The following ATP2A2 variants were observed in gnomAD, a reference collection of about 807,000 sequenced individuals.
ATP2A2 encodes sarcoplasmic/endoplasmic reticulum calcium ATPase 2.
ATP2A2 carries 14 observed loss-of-function variants against 109.3 expected under a neutral mutation model. That is an observed-to-expected ratio of 0.13 (90% CI 0.08 to 0.20). The LOEUF is 0.20. ATP2A2 is among the 10% of genes least tolerant of loss of function. The probability of loss-of-function intolerance (pLI) is 1.00; values close to 1 mark genes in which losing one functional copy is unlikely to be tolerated. For synonymous variants in ATP2A2, 506 were observed against 490.9 expected, an observed-to-expected ratio of 1.03 and a Z score of -0.41; for missense variants, 657 against 1,321.6, an observed-to-expected ratio of 0.50 and a Z score of 7.80.
At chr12:110,306,415 A>T (rs559466673) in intron 5 of ATP2A2, among the ~76,000 whole-genome samples, 16 of 152,164 alleles carry the variant, frequency 1.1e-4, no homozygotes, top group Non-Finnish European at 1.8e-4. Flanking sequence ...TTAATGTGTG[A>T]TGCTGAGGTT....
chr12:110,350,234 T>C lies in ATP2A2; in HGVS notation c.*3764T>C. 1.9e-6 allele frequency: 3 copies of C among 1,614,158 alleles called. No homozygotes were observed. The South Asian group carries it at 3.3e-5, about 18-fold the overall frequency. ...TGATCTTCATCTATTTAAATAGGTA[T>C]TCTAACGTTTCCTCTCTGTATTTCA... On this transcript the variant is annotated 3_prime_UTR_variant, in exon 20 of 20. Coordinates refer to ENST00000539276, the MANE Select transcript of ATP2A2 (RefSeq NM_170665.4).
chr12:110,281,682 C>A lies in ATP2A2; in HGVS notation c.-108C>A. ...GGCCGCAAGAGGAGGAGGGGAGAGC[C>A]CGTCCGCGCCTGGGCTCCCGGGGTG... On this transcript the variant is annotated 5_prime_UTR_variant, in exon 1 of 20. Coordinates refer to ENST00000539276, the MANE Select transcript of ATP2A2 (RefSeq NM_170665.4). 3.0e-6 allele frequency: 2 copies of A among 669,766 alleles called. No homozygotes were observed. Among genetic ancestry groups the A allele is most frequent in the Non-Finnish European group, 4.5e-6 (2 of 448,294 alleles). 41.5% of individuals were successfully genotyped at this position (669,766 alleles called of 1,614,324 possible). A position where few individuals can be genotyped will look rare whatever the true frequency, so the allele number is the denominator to read the frequency against.
chr12:110,314,375 T>A (rs1325182282), intron 5 of ATP2A2, among the ~76,000 whole-genome samples: 1 of 149,884 alleles, frequency 6.7e-6, no homozygotes, highest in Non-Finnish European at 1.5e-5. Flanking sequence ...CTTGGCATTA[T>A]CAGTGCCAGA....
At position 110,347,704 on chromosome 12, in the gene ATP2A2, G is replaced by A. The variant is rs3026490; in HGVS notation, c.*1234G>A. On this transcript the variant is annotated 3_prime_UTR_variant, in exon 20 of 20. Transcript: ENST00000539276. ...CTACGATCAATGTTTGCGCATGTTC[G>A]AGATGAGTCTCACCAACAGTGTGTA... The A allele has an allele frequency of 4.8e-3, 5,545 of 1,166,504 alleles. 239 individuals are homozygous for A. The African/African-American group carries it at 0.08, about 17-fold the overall frequency. 72.3% of individuals were successfully genotyped at this position (1,166,504 alleles called of 1,614,324 possible).
At position 110,346,337 on chromosome 12, in the gene ATP2A2, A is replaced by T; in HGVS notation, c.2996A>T (p.Gln999Leu). ...CTGGAACCTGGTAAAGAGTGTGTGC[A>T]GCCTGCCACCAAATCCTGCTCGTTC... is the stretch of plus-strand genomic sequence containing the variant. ...NYLEPGKECV[Q>L]PATKSCSFSA... Residue 999 changes from glutamine (Q) to leucine (L), a missense_variant, in exon 20 of 20, where the codon CAG becomes CTG. Transcript: ENST00000539276. 6.2e-7 allele frequency: 1 copy of T among 1,614,162 alleles called. No homozygotes were observed. Among genetic ancestry groups the T allele is most frequent in the Non-Finnish European group, 8.5e-7 (1 of 1,180,018 alleles).
intron 3 of ATP2A2, among the ~76,000 whole-genome samples, chr12:110,288,322 T>TC (rs950140445): frequency 2.0e-5 from 3 of 151,454 alleles, no homozygotes; most frequent in African/African-American, 7.3e-5. Context: ...CAAGCTAGTC[T>TC]CCAATTCCTG....
chr12:110,335,987 T>C (rs1336993904), intron 11 of ATP2A2, among the ~76,000 whole-genome samples: 1 of 152,218 alleles, frequency 6.6e-6, no homozygotes, highest in Non-Finnish European at 1.5e-5. Context: ...CTATCTGCAG[T>C]CCAGGGTCTG....
intron 5 of ATP2A2, among the ~76,000 whole-genome samples, chr12:110,311,205 AGAG>A (rs1875997723): frequency 6.6e-6 from 1 of 152,240 alleles, no homozygotes. Flanking sequence ...GCTGTAGAGC[AGAG>A]GAGTTGGCAT....
chr12:110,316,028 A>G (rs1876634464), intron 5 of ATP2A2, among the ~76,000 whole-genome samples: 1 of 152,220 alleles, frequency 6.6e-6, no homozygotes, highest in South Asian at 2.1e-4. Flanking sequence ...TGGAGGTTAC[A>G]GTGAGCCGAG....
In ATP2A2 at chr12:110,350,393, T is replaced by C. The variant is rs1880291996; in HGVS notation, c.*3923T>C. ...GCAACACATCTACCAACCCTGTGCA[T>C]GACTGATGTTGGGGAAAAAGAAAAG... On this transcript the variant is annotated 3_prime_UTR_variant, in exon 20 of 20. Transcript: ENST00000539276. 2.5e-6 allele frequency: 4 copies of C among 1,602,326 alleles called. No homozygotes were observed. The South Asian group carries it at 4.4e-5, about 18-fold the overall frequency.
chr12:110,281,646 G>A lies in ATP2A2; in HGVS notation c.-144G>A. 1 of 461,118 alleles carries A rather than the reference G, an allele frequency of 2.2e-6. No homozygotes were observed. Among genetic ancestry groups the A allele is most frequent in the Non-Finnish European group, 3.7e-6 (1 of 273,284 alleles). 28.6% of individuals were successfully genotyped at this position (461,118 alleles called of 1,614,324 possible). A position where few individuals can be genotyped will look rare whatever the true frequency, so the allele number is the denominator to read the frequency against. On this transcript the variant is annotated 5_prime_UTR_variant, in exon 1 of 20. Transcript: ENST00000539276. The stretch of plus-strand genomic sequence containing the variant: ...GGCGCGGGGTGATTCAGCGCCCGGC[G>A]AGGCGGAAGCGGCCGCAAGAGGAGG...
chr12:110,340,118 C>T lies in ATP2A2; in HGVS notation c.1761+397C>T, dbSNP rs1050323723. On this transcript the variant is annotated intron_variant, in intron 13 of 19. Coordinates refer to ENST00000539276, the MANE Select transcript of ATP2A2 (RefSeq NM_170665.4). This position sits in a 1 kb window ranked among gnomAD's most constrained non-coding sequence, Gnocchi z 6.0. ...TACTCAGAGTAGAATTCTTTTATATCAAGGATGTGACATCCTAAAGCTATG... is the reference window on the plus strand; with the variant it reads ...TACTCAGAGTAGAATTCTTTTATATTAAGGATGTGACATCCTAAAGCTATG... 2.0e-5 allele frequency among the ~76,000 whole-genome samples: 3 copies of T among 152,128 alleles called. No individual in the cohort carries two copies. The highest frequency in any genetic ancestry group is 7.2e-5 in the African/African-American group (3 of 41,408).
rs1429063326 is a variant in ATP2A2 at position 110,332,624 on chromosome 12, G to A, written c.1123G>A (p.Asp375Asn). 1.2e-6 allele frequency: 2 copies of A among 1,613,624 alleles called. No homozygotes were observed. The highest frequency in any genetic ancestry group is 1.7e-5 in the Admixed American group (1 of 60,012). The change falls in exon 9 of 20, where the codon GAT (aspartate) becomes AAT (asparagine). Residue 375 changes from aspartate (D) to asparagine (N), a missense_variant. Around this residue, in one of 9 missense-constraint regions of ATP2A2, gnomAD observed 46 missense variants for 62.0 expected, o/e 0.74. Coordinates refer to ENST00000539276, the MANE Select transcript of ATP2A2 (RefSeq NM_170665.4). ...GTTCATTCTGGACAGAGTGGAAGGT[G>A]ATACTTGTTCCCTTAATGAGTTTAC... ...RMFILDRVEG[D>N]TCSLNEFTIT...
intron 5 of ATP2A2, among the ~76,000 whole-genome samples, chr12:110,322,071 A>T (rs1011736590): frequency 6.6e-6 from 1 of 151,870 alleles, no homozygotes; most frequent in Non-Finnish European, 1.5e-5. Context: ...GCTCACTGCA[A>T]GCTCCGCCTC....
Position 110,342,532 on chromosome 12 carries a change from A to ATT in ATP2A2, c.2318+85_2318+86dup. The ATT allele has an allele frequency of 6.8e-7, 1 of 1,462,072 alleles. No homozygotes were observed. Among genetic ancestry groups the ATT allele is most frequent in the Non-Finnish European group, 9.4e-7 (1 of 1,060,366 alleles). The allele number at this position is 1,462,072 out of a possible 1,614,324, so 90.6% of individuals were successfully genotyped here. A position where few individuals can be genotyped will look rare whatever the true frequency, so the allele number is the denominator to read the frequency against. The stretch of plus-strand genomic sequence containing the variant: ...CCAGTTCTCGCAGTTTGCTCTCCAG[A>ATT]TTGCAGCAGCTTTGGTCTTTGTGCC... On this transcript the variant is annotated intron_variant, in intron 15 of 19. Coordinates refer to ENST00000539276, the MANE Select transcript of ATP2A2 (RefSeq NM_170665.4). The surrounding 1 kb of genome is among the most constrained non-coding windows in gnomAD (Gnocchi z 4.6).
At chr12:110,312,102 C>G (rs998405989) in intron 5 of ATP2A2, among the ~76,000 whole-genome samples, 3 of 152,038 alleles carry the variant, frequency 2.0e-5, no homozygotes, top group South Asian at 4.1e-4. Context: ...TCAGTTGAGC[C>G]TGGGAGGTCA....
chr12:110,337,472 C>T (rs1174196571), intron 11 of ATP2A2, among the ~76,000 whole-genome samples: 3 of 152,348 alleles, frequency 2.0e-5, no homozygotes, highest in South Asian at 2.1e-4. Flanking sequence ...ACTAAACACA[C>T]GTGTGATTGA....
Position 110,347,908 on chromosome 12 carries a change from C to T in ATP2A2, c.*1438C>T, listed in dbSNP as rs1411093039. The T allele has an allele frequency of 7.1e-6, 7 of 991,618 alleles. No homozygotes were observed. The highest frequency in any genetic ancestry group is 8.4e-6 in the Non-Finnish European group (7 of 833,890). The allele number at this position is 991,618 out of a possible 1,614,324, so 61.4% of individuals were successfully genotyped here. A position where few individuals can be genotyped will look rare whatever the true frequency, so the allele number is the denominator to read the frequency against. On this transcript the variant is annotated 3_prime_UTR_variant, in exon 20 of 20. Transcript: ENST00000539276. Reference sequence around the variant, plus strand: ...CTCCATGGCAGATGCTGCTGTGCTCCCTGATGCCCTGTGAGCACCGGGGTT... The same window carrying T: ...CTCCATGGCAGATGCTGCTGTGCTCTCTGATGCCCTGTGAGCACCGGGGTT...
intron 5 of ATP2A2, among the ~76,000 whole-genome samples, chr12:110,319,223 GA>G (rs59623372): frequency 0.43 from 27,167 of 63,510 alleles, 3,368 homozygotes; most frequent in South Asian, 0.55. Flanking sequence ...AATAAAAAAT[GA>G]AAAAAAAAAA....
Sources: allele counts gnomAD v4.1 joint callset (sites outside exome capture counted in the v4.1 genomes callset), GRCh38; gene constraint gnomAD v4.1.1; regional missense constraint gnomAD v4.1.1; non-coding constraint Gnocchi (gnomAD v3.1); transcripts MANE v1.5; gene names NCBI Gene and HGNC (gene_info 2026-07-23, HGNC 2026-07-21).